STPG2: variants seen among roughly 807,000 people sequenced by gnomAD.
STPG2 encodes sperm tail PG-rich repeat containing 2.
In STPG2, 56 loss-of-function variants were observed where a neutral mutation model predicts 54.2. The observed-to-expected ratio is 1.03, with a 90% confidence interval of 0.83 to 1.29. The LOEUF is 1.29. STPG2 is among the 50% of genes most tolerant of loss of function. The pLI is 0.00. For missense variants in STPG2, 596 were observed against 544.9 expected, an observed-to-expected ratio of 1.09 and a Z score of -0.93; for synonymous variants, 200 against 181.8, an observed-to-expected ratio of 1.10 and a Z score of -0.81.
Position 97,967,475 on chromosome 4 carries a change from C to A in STPG2, c.933+4805G>T, listed in dbSNP as rs141905436. Among the ~76,000 whole-genome samples, 521 of 152,180 alleles carry A rather than the reference C, an allele frequency of 3.4e-3. 2 individuals carry two copies. Among genetic ancestry groups the A allele is most frequent in the African/African-American group, 0.012 (496 of 41,516 alleles). ...GAGACAGAAGGTTAACAAGGATATC[C>A]AGGACTTGAACTCAGCTCTGCACCA... On this transcript the variant is annotated intron_variant, in intron 7 of 10. Coordinates refer to ENST00000295268, the MANE Select transcript of STPG2 (RefSeq NM_174952.3).
chr4:98,088,310 C>T (rs1738586643), intron 5 of STPG2, among the ~76,000 whole-genome samples: 1 of 152,122 alleles, frequency 6.6e-6, no homozygotes, highest in African/African-American at 2.4e-5. Flanking sequence ...CCCTATATTT[C>T]ACATATATGC....
At chr4:98,001,880 T>C (rs1358934620) in intron 5 of STPG2, among the ~76,000 whole-genome samples, 2 of 152,130 alleles carry the variant, frequency 1.3e-5, no homozygotes, top group Admixed American at 6.6e-5. Flanking sequence ...ACTATAAAAA[T>C]ACACCTGTGG....
chr4:98,005,529 A>G (rs551676293), intron 5 of STPG2, among the ~76,000 whole-genome samples: 1 of 152,180 alleles, frequency 6.6e-6, no homozygotes, highest in Non-Finnish European at 1.5e-5. Flanking sequence ...TGAGTTTGTC[A>G]TATATAGCCT....
chr4:97,532,181 C>T (rs1431335308), intron 4 of STPG2, among the ~76,000 whole-genome samples: 1 of 151,680 alleles, frequency 6.6e-6, no homozygotes, highest in African/African-American at 2.4e-5. Context: ...TATTTTAATC[C>T]AGTAGTAATA....
At chr4:97,970,352 G>A (rs1734280922) in intron 7 of STPG2, among the ~76,000 whole-genome samples, 1 of 152,084 alleles carries the variant, frequency 6.6e-6, no homozygotes, top group Non-Finnish European at 1.5e-5. Flanking sequence ...GCATTGCCAA[G>A]ACAATCCTAA....
At chr4:97,915,272 G>C (rs1050236462) in intron 8 of STPG2, among the ~76,000 whole-genome samples, 8 of 152,136 alleles carry the variant, frequency 5.3e-5, no homozygotes, top group Non-Finnish European at 1.2e-4. Context: ...AAAGGAAGTA[G>C]ACGTAACCAG....
intron 5 of STPG2, among the ~76,000 whole-genome samples, chr4:98,017,062 T>G (rs1735972408): frequency 6.6e-6 from 1 of 152,176 alleles, no homozygotes; most frequent in Non-Finnish European, 1.5e-5. Context: ...TGTCCACAGG[T>G]GCTAGCCTGA....
At chr4:97,479,797 A>G (rs1046301994) in intron 4 of STPG2, among the ~76,000 whole-genome samples, 4 of 151,898 alleles carry the variant, frequency 2.6e-5, no homozygotes, top group Non-Finnish European at 5.9e-5. Flanking sequence ...ATATGAAACA[A>G]TTGTCTTCAG....
At chr4:98,076,881 A>C (rs2110112376) in intron 5 of STPG2, among the ~76,000 whole-genome samples, 1 of 152,320 alleles carries the variant, frequency 6.6e-6, no homozygotes, top group South Asian at 2.1e-4. Context: ...TAACAAATAC[A>C]GTAACAGAAT....
chr4:97,747,035 A>G (rs1026955265), intron 9 of STPG2, among the ~76,000 whole-genome samples: 18 of 151,106 alleles, frequency 1.2e-4, no homozygotes, highest in Non-Finnish European at 2.5e-4. Flanking sequence ...AATCTTTTAC[A>G]GTAATATCCC....
intron 5 of STPG2, among the ~76,000 whole-genome samples, chr4:98,003,867 A>G (rs1199506984): frequency 6.6e-6 from 1 of 152,076 alleles, no homozygotes; most frequent in East Asian, 1.9e-4. Context: ...ATCTTTATTG[A>G]AGTATAATAG....
At chr4:98,142,934 A>G in intron 1 of STPG2, 108 bp downstream of exon 1, 1 of 915,874 alleles carries the variant, frequency 1.1e-6, no homozygotes, top group Non-Finnish European at 1.8e-6. Flanking sequence ...TGTTATGTTT[A>G]CAAAATGGTA....
chr4:98,022,726 C>G (rs555357052), intron 5 of STPG2, among the ~76,000 whole-genome samples: 2 of 152,092 alleles, frequency 1.3e-5, no homozygotes, highest in African/African-American at 4.8e-5. Flanking sequence ...TCTTTTTATT[C>G]TTTTTTCTCT....
intron 9 of STPG2, among the ~76,000 whole-genome samples, chr4:97,735,764 CTG>C (rs1019106655): frequency 3.0e-4 from 46 of 151,640 alleles, no homozygotes; most frequent in African/African-American, 1.1e-3. Flanking sequence ...ATATGTGTGT[CTG>C]TGTGTGTATG....
intron 10 of STPG2, among the ~76,000 whole-genome samples, chr4:97,697,361 T>A (rs1442742864): frequency 6.6e-6 from 1 of 152,052 alleles, no homozygotes; most frequent in Non-Finnish European, 1.5e-5. Context: ...ATTAAAAGCA[T>A]CCCAGGCACC....
At chr4:97,850,038 T>C (rs1677213866) in intron 8 of STPG2, among the ~76,000 whole-genome samples, 1 of 151,332 alleles carries the variant, frequency 6.6e-6, no homozygotes, top group Admixed American at 6.6e-5. Flanking sequence ...CCAACAATGA[T>C]AGACTGGATT....
intron 8 of STPG2, among the ~76,000 whole-genome samples, chr4:97,874,409 A>G (rs1484685445): frequency 1.3e-5 from 2 of 151,724 alleles, no homozygotes; most frequent in African/African-American, 4.8e-5. Context: ...ACAGTATACA[A>G]TTAAGTTTTG....
At chr4:97,806,383 C>T (rs1403946739) in intron 9 of STPG2, among the ~76,000 whole-genome samples, 1 of 152,018 alleles carries the variant, frequency 6.6e-6, no homozygotes, top group South Asian at 2.1e-4. Flanking sequence ...AGGAAAGGCA[C>T]AAGGATTGAA....
chr4:97,927,488 T>A (rs1732377506), intron 8 of STPG2, among the ~76,000 whole-genome samples: 1 of 152,092 alleles, frequency 6.6e-6, no homozygotes. Flanking sequence ...TTCAACAGTA[T>A]TGTTTATGAT....
Sources: allele counts gnomAD v4.1 joint callset (sites outside exome capture counted in the v4.1 genomes callset), GRCh38; gene constraint gnomAD v4.1.1; transcripts MANE v1.5; gene names NCBI Gene and HGNC (gene_info 2026-07-23, HGNC 2026-07-21).